FLRT2: variants seen among roughly 807,000 people sequenced by gnomAD.
The protein encoded by FLRT2 is fibronectin leucine rich transmembrane protein 2.
Under a neutral mutation model 40.0 loss-of-function variants are expected in FLRT2, and 15 were observed. That is an observed-to-expected ratio of 0.38 (90% CI 0.25 to 0.58). The LOEUF is 0.58. Ranked by LOEUF, FLRT2 falls within the 20% of genes least tolerant of loss-of-function variation. FLRT2 has a pLI of 0.71. For missense variants in FLRT2, 726 were observed against 840.0 expected, an observed-to-expected ratio of 0.86 and a Z score of 1.68; for synonymous variants, 380 against 336.8, an observed-to-expected ratio of 1.13 and a Z score of -1.41.
At position 85,626,692 on chromosome 14, in the gene FLRT2, C is replaced by T. The variant is rs991812173; in HGVS notation, c.*3195C>T. The T allele has an allele frequency of 6.0e-6, 1 of 167,052 alleles. No individual in the cohort carries two copies. The highest frequency in any genetic ancestry group is 1.5e-5 in the Non-Finnish European group (1 of 68,112). 10.3% of individuals were successfully genotyped at this position (167,052 alleles called of 1,614,324 possible). On this transcript the variant is annotated 3_prime_UTR_variant, in exon 2 of 2. Coordinates refer to ENST00000330753, the MANE Select transcript of FLRT2 (RefSeq NM_013231.6). ...CGCAGGCAGATACGAGGAATGTATC[C>T]CCTGCCTATTTTCCTTGTGTAACAA...
At chr14:85,555,731 A>AT (rs869182568) in intron 1 of FLRT2, among the ~76,000 whole-genome samples, 2 of 135,576 alleles carry the variant, frequency 1.5e-5, no homozygotes, top group African/African-American at 5.1e-5. Context: ...ATTTTATTTT[A>AT]TTTTTTTAGA....
At chr14:85,579,337 G>A (rs1566737686) in intron 1 of FLRT2, among the ~76,000 whole-genome samples, 1 of 152,074 alleles carries the variant, frequency 6.6e-6, no homozygotes, top group Non-Finnish European at 1.5e-5. Flanking sequence ...AAGACCGGGG[G>A]AATTGGTCTG....
At chr14:85,557,175 A>G (rs1890019445) in intron 1 of FLRT2, among the ~76,000 whole-genome samples, 1 of 152,102 alleles carries the variant, frequency 6.6e-6, no homozygotes, top group Admixed American at 6.5e-5. Context: ...ACCATATCAG[A>G]TGTTATGAAT....
In FLRT2 at chr14:85,566,574, T is replaced by TGTGTGTGTGC. The variant is rs945061430; in HGVS notation, c.-377+36043_-377+36044insTGTGTGCGTG. On this transcript the variant is annotated intron_variant, in intron 1 of 1. Transcript: ENST00000330753. Reference sequence around the variant, plus strand: ...TTGTGTGTGTGTGTGTGTGTGTGTGTGTGCAAGATAGAAATTTCTGCAGCT... The same window carrying TGTGTGTGTGC: ...TTGTGTGTGTGTGTGTGTGTGTGTGTGTGTGTGTGCGTGCAAGATAGAAATTTCTGCAGCT... 5.1e-4 allele frequency among the ~76,000 whole-genome samples: 77 copies of TGTGTGTGTGC among 151,992 alleles called. 2 individuals are homozygous for TGTGTGTGTGC. The highest frequency in any genetic ancestry group is 1.8e-3 in the African/African-American group (74 of 41,424).
At position 85,638,825 on chromosome 14, in the gene FLRT2, C is replaced by A. The variant is rs761446973; in HGVS notation, c.*15328C>A. The A allele has an allele frequency of 3.3e-5, 5 of 152,188 alleles. No individual in the cohort carries two copies. Among genetic ancestry groups the A allele is most frequent in the African/African-American group, 4.8e-5 (2 of 41,440 alleles). 9.4% of individuals were successfully genotyped at this position (152,188 alleles called of 1,614,324 possible). ...TGCATGTCCGCAAACCTATTTTGAT[C>A]AACCAGTACTGAACTTTTCCCCTTC... On this transcript the variant is annotated 3_prime_UTR_variant, in exon 2 of 2. Coordinates refer to ENST00000330753, the MANE Select transcript of FLRT2 (RefSeq NM_013231.6).
chr14:85,578,090 T>C, intron 1 of FLRT2, among the ~76,000 whole-genome samples: 1 of 147,178 alleles, frequency 6.8e-6, no homozygotes, highest in Non-Finnish European at 1.5e-5. Context: ...CCCAGTTTGT[T>C]GTTTAAAGTA....
In FLRT2 at chr14:85,567,634, C is replaced by CTTTT. The variant is rs1566732052; in HGVS notation, c.-377+37100_-377+37101insTTTT. 5.6e-5 allele frequency among the ~76,000 whole-genome samples: 7 copies of CTTTT among 126,108 alleles called. 2 individuals carry two copies. Among genetic ancestry groups the CTTTT allele is most frequent in the Non-Finnish European group, 1.6e-5 (1 of 61,580 alleles). 82.7% of individuals were successfully genotyped at this position (126,108 alleles called of 152,430 possible). A position where few individuals can be genotyped will look rare whatever the true frequency, so the allele number is the denominator to read the frequency against. On this transcript the variant is annotated intron_variant, in intron 1 of 1. Transcript: ENST00000330753. The stretch of plus-strand genomic sequence containing the variant: ...GGCCTAGCACACGGGAAGTGACTTA[C>CTTTT]ATTTTTTTTTTTTTTTTTTTTTTTG...
rs372787915 is a variant in FLRT2, at chr14:85,597,719, G to A, written c.-376-23420G>A. On this transcript the variant is annotated intron_variant, in intron 1 of 1. Transcript: ENST00000330753. ...TTACAGGCATATGCCACCTTGCCCCGCTAAGGATGCGGCCAACTTTAAGAC... is the reference window on the plus strand; with the variant it reads ...TTACAGGCATATGCCACCTTGCCCCACTAAGGATGCGGCCAACTTTAAGAC... Among the ~76,000 whole-genome samples, 15 of 152,296 alleles carry A rather than the reference G, an allele frequency of 9.8e-5. No individual in the cohort carries two copies. The South Asian group carries it at 1.2e-3, about 13-fold the overall frequency.
chr14:85,621,438 C>A lies in FLRT2; in HGVS notation c.-77C>A. ...GGACTTCAACAGAACCCCATCCAGT[C>A]ATTTTGATTTTGCTGTTTATTTTTT... On this transcript the variant is annotated 5_prime_UTR_variant, in exon 2 of 2. Coordinates refer to ENST00000330753, the MANE Select transcript of FLRT2 (RefSeq NM_013231.6). The A allele has an allele frequency of 7.3e-7, 1 of 1,369,068 alleles. No individual in the cohort carries two copies. The highest frequency in any genetic ancestry group is 9.9e-7 in the Non-Finnish European group (1 of 1,011,640). The allele number at this position is 1,369,068 out of a possible 1,614,324, so 84.8% of individuals were successfully genotyped here. A position where few individuals can be genotyped will look rare whatever the true frequency, so the allele number is the denominator to read the frequency against.
At chr14:85,607,901 G>A (rs1292282927) in intron 1 of FLRT2, among the ~76,000 whole-genome samples, 1 of 152,018 alleles carries the variant, frequency 6.6e-6, no homozygotes, top group Non-Finnish European at 1.5e-5. Flanking sequence ...AGTTCAAGCT[G>A]TCGGCAGGGC....
chr14:85,612,630 C>G (rs1892939242), intron 1 of FLRT2, among the ~76,000 whole-genome samples: 1 of 152,096 alleles, frequency 6.6e-6, no homozygotes, highest in Admixed American at 6.6e-5. Context: ...TTTCTTATCC[C>G]CTCTTGTTCC....
intron 1 of FLRT2, among the ~76,000 whole-genome samples, chr14:85,596,498 TGTC>T (rs1892144701): frequency 6.6e-6 from 1 of 151,080 alleles, no homozygotes; most frequent in South Asian, 2.1e-4. Context: ...CAGTCTTTGT[TGTC>T]GTTGTTGTTG....
rs948265216 is a variant in FLRT2 at position 85,649,739 on chromosome 14, G to T, written c.*26242G>T. 1 of 151,954 alleles carries T rather than the reference G, an allele frequency of 6.6e-6. No individual in the cohort carries two copies. Among genetic ancestry groups the T allele is most frequent in the Admixed American group, 6.6e-5 (1 of 15,234 alleles). The allele number at this position is 151,954 out of a possible 1,614,324, so 9.4% of individuals were successfully genotyped here. A position where few individuals can be genotyped will look rare whatever the true frequency, so the allele number is the denominator to read the frequency against. On this transcript the variant is annotated 3_prime_UTR_variant, in exon 2 of 2. Coordinates refer to ENST00000330753, the MANE Select transcript of FLRT2 (RefSeq NM_013231.6). ...TATCATTAATATTTTTGTGTCAATG[G>T]TGAGTTCTTCTTTTTTCTTTACCTG...
chr14:85,654,006 T>C lies in FLRT2; in HGVS notation c.*30509T>C, dbSNP rs1894492101. 1 of 152,194 alleles carries C rather than the reference T, an allele frequency of 6.6e-6. No homozygotes were observed. 9.4% of individuals were successfully genotyped at this position (152,194 alleles called of 1,614,324 possible). A position where few individuals can be genotyped will look rare whatever the true frequency, so the allele number is the denominator to read the frequency against. On this transcript the variant is annotated 3_prime_UTR_variant, in exon 2 of 2. Coordinates refer to ENST00000330753, the MANE Select transcript of FLRT2 (RefSeq NM_013231.6). ...TCAAGTCAATGTCACTTTGTATTAA[T>C]GGATTTAGTGTCATGTATGGTCTTG... is the stretch of plus-strand genomic sequence containing the variant.
intron 1 of FLRT2, among the ~76,000 whole-genome samples, chr14:85,579,948 T>A (rs1489175685): frequency 6.7e-6 from 1 of 149,864 alleles, no homozygotes; most frequent in African/African-American, 2.5e-5. Context: ...TTTTTTTTTT[T>A]AAATAAGTGG....
rs1225822647 is a variant in FLRT2, at chr14:85,649,042, C to G, written c.*25545C>G. ...CAGGGAGTGCTCCAATTTTGATACT[C>G]TCCCTGTCAATATGCCTATTACCCC... On this transcript the variant is annotated 3_prime_UTR_variant, in exon 2 of 2. Transcript: ENST00000330753. 6.6e-6 allele frequency: 1 copy of G among 152,124 alleles called. No individual in the cohort carries two copies. The highest frequency in any genetic ancestry group is 1.5e-5 in the Non-Finnish European group (1 of 68,026). The allele number at this position is 152,124 out of a possible 1,614,324, so 9.4% of individuals were successfully genotyped here. A position where few individuals can be genotyped will look rare whatever the true frequency, so the allele number is the denominator to read the frequency against.
At chr14:85,557,255 T>G (rs1468304611) in intron 1 of FLRT2, among the ~76,000 whole-genome samples, 2 of 151,624 alleles carry the variant, frequency 1.3e-5, no homozygotes, top group Non-Finnish European at 2.9e-5. Flanking sequence ...TTCCAGTGTT[T>G]TTTTTTTTCT....
intron 1 of FLRT2, among the ~76,000 whole-genome samples, chr14:85,593,569 G>A (rs1892001021): frequency 2.0e-5 from 3 of 152,104 alleles, no homozygotes; most frequent in East Asian, 1.9e-4. Flanking sequence ...GTATTGTTGG[G>A]TATTTAAAGT....
intron 1 of FLRT2, among the ~76,000 whole-genome samples, chr14:85,562,042 A>G (rs1169233957): frequency 6.6e-6 from 1 of 152,182 alleles, no homozygotes; most frequent in Non-Finnish European, 1.5e-5. Flanking sequence ...TGGTCTCAAG[A>G]TAAGTTGAAG....
Sources: allele counts gnomAD v4.1 joint callset (sites outside exome capture counted in the v4.1 genomes callset), GRCh38; gene constraint gnomAD v4.1.1; transcripts MANE v1.5; gene names NCBI Gene and HGNC (gene_info 2026-07-23, HGNC 2026-07-21).